The following AUTS2 variants were observed in gnomAD, a reference collection of about 807,000 sequenced individuals.
The protein encoded by AUTS2 is autism susceptibility gene 2 protein.
In AUTS2, 17 loss-of-function variants were observed where a neutral mutation model predicts 112.4. The observed-to-expected ratio is 0.15, with a 90% CI of 0.10 to 0.23. The LOEUF (loss-of-function observed/expected upper bound fraction) is 0.23. Among genes scored for constraint, AUTS2 ranks in the 10% least tolerant of loss-of-function variants. AUTS2 has a pLI of 1.00. For missense variants in AUTS2, 1,510 were observed against 1,701.6 expected, an observed-to-expected ratio of 0.89 and a Z score of 1.98; for synonymous variants, 751 against 702.7, an observed-to-expected ratio of 1.07 and a Z score of -1.09.
chr7:70,002,206 C>T (rs1027436897), intron 2 of AUTS2, among the ~76,000 whole-genome samples: 3 of 152,144 alleles, frequency 2.0e-5, no homozygotes, highest in Non-Finnish European at 4.4e-5. Context: ...GGGCCAATAA[C>T]TTGGGGATGT....
At chr7:70,657,393 T>A (rs1009694137) in intron 5 of AUTS2, among the ~76,000 whole-genome samples, 1 of 152,220 alleles carries the variant, frequency 6.6e-6, no homozygotes, top group Non-Finnish European at 1.5e-5. Flanking sequence ...CAGACCTTTG[T>A]ATTAGAAGTG....
At chr7:69,809,269 G>A (rs1030757169) in intron 1 of AUTS2, among the ~76,000 whole-genome samples, 5 of 151,580 alleles carry the variant, frequency 3.3e-5, no homozygotes, top group Admixed American at 6.6e-5. Flanking sequence ...TGGTAGAGAC[G>A]GGGTTTCACT....
At chr7:70,352,386 C>G (rs1437983822) in intron 4 of AUTS2, among the ~76,000 whole-genome samples, 1 of 152,200 alleles carries the variant, frequency 6.6e-6, no homozygotes, top group Non-Finnish European at 1.5e-5. Flanking sequence ...TCTTCGGCTG[C>G]AATCCTTTTT....
At position 70,698,790 on chromosome 7, in the gene AUTS2, AAC is replaced by A. The variant is rs1395085037; in HGVS notation, c.742+172_742+173del. 4.6e-5 allele frequency: 23 copies of A among 495,132 alleles called. No homozygotes were observed. The African/African-American group carries it at 4.9e-4, about 11-fold the overall frequency. 30.7% of individuals were successfully genotyped at this position (495,132 alleles called of 1,614,324 possible). A position where few individuals can be genotyped will look rare whatever the true frequency, so the allele number is the denominator to read the frequency against. On this transcript the variant is annotated intron_variant, in intron 6 of 18. Transcript: ENST00000342771. ...AAGTCTGCATACTTTGTGATGCATT[AAC>A]ATTAACAACCAGTTTATTTTAAAAG...
At chr7:70,095,067 A>T (rs1259759756) in intron 2 of AUTS2, among the ~76,000 whole-genome samples, 1 of 152,182 alleles carries the variant, frequency 6.6e-6, no homozygotes, top group South Asian at 2.1e-4. Flanking sequence ...GAAAAGATTA[A>T]CCTGAAACGT....
intron 5 of AUTS2, among the ~76,000 whole-genome samples, chr7:70,472,336 G>C (rs766707699): frequency 1.3e-5 from 2 of 148,378 alleles, no homozygotes; most frequent in Non-Finnish European, 3.0e-5. Flanking sequence ...TTTGTTTCTT[G>C]TTTGGGTTTT....
chr7:70,159,159 C>T (rs1807945883), intron 4 of AUTS2, among the ~76,000 whole-genome samples: 2 of 152,148 alleles, frequency 1.3e-5, no homozygotes, highest in African/African-American at 2.4e-5. Flanking sequence ...TTTTTAAAGG[C>T]TCTTTCAAGG....
intron 4 of AUTS2, among the ~76,000 whole-genome samples, chr7:70,221,748 G>A (rs563907868): frequency 2.6e-5 from 4 of 152,296 alleles, no homozygotes; most frequent in East Asian, 3.9e-4. Flanking sequence ...TTAGCCGAGC[G>A]TGGTGGTGGG....
At chr7:69,976,037 T>G (rs1265481644) in intron 2 of AUTS2, among the ~76,000 whole-genome samples, 1 of 152,226 alleles carries the variant, frequency 6.6e-6, no homozygotes, top group East Asian at 1.9e-4. Context: ...ATTTACCATG[T>G]TAACGGTTAT....
chr7:69,928,559 G>A lies in AUTS2; in HGVS notation c.522+29061G>A, dbSNP rs530959776. ...CTGGAGGGGCCTGAGGTAGCAGGGG[G>A]CTGGTATACCAGCATGACCCTGAGT... On this transcript the variant is annotated intron_variant, in intron 2 of 18. Transcript: ENST00000342771. 9.2e-5 allele frequency among the ~76,000 whole-genome samples: 14 copies of A among 152,350 alleles called. 1 individual carries two copies. In the South Asian group the frequency reaches 2.9e-3, roughly 32 times the overall value.
At chr7:70,151,019 C>T (rs1807404936) in intron 4 of AUTS2, among the ~76,000 whole-genome samples, 1 of 152,120 alleles carries the variant, frequency 6.6e-6, no homozygotes, top group South Asian at 2.1e-4. Flanking sequence ...AGCTTCCTGC[C>T]TTGAGAGAAT....
chr7:69,956,218 T>A (rs1295236632), intron 2 of AUTS2, among the ~76,000 whole-genome samples: 1 of 152,066 alleles, frequency 6.6e-6, no homozygotes, highest in Non-Finnish European at 1.5e-5. Context: ...TGGGATGAGA[T>A]GCCAGCACTA....
At chr7:70,592,146 C>G (rs968485491) in intron 5 of AUTS2, among the ~76,000 whole-genome samples, 5 of 151,926 alleles carry the variant, frequency 3.3e-5, no homozygotes, top group Admixed American at 3.3e-4. Context: ...TATTTGCCAT[C>G]GATATATATT....
At chr7:70,689,775 C>CAAAAAA (rs60869776) in intron 5 of AUTS2, among the ~76,000 whole-genome samples, 3 of 74,704 alleles carry the variant, frequency 4.0e-5, no homozygotes, top group Non-Finnish European at 7.7e-5. Context: ...GACTCCGTCT[C>CAAAAAA]AAAAAAAAAA....
At chr7:69,759,348 A>T (rs886405554) in intron 1 of AUTS2, among the ~76,000 whole-genome samples, 1 of 152,118 alleles carries the variant, frequency 6.6e-6, no homozygotes, top group Non-Finnish European at 1.5e-5. Flanking sequence ...TTTATGCCTC[A>T]TACACGTAGC....
chr7:70,268,171 C>T (rs890841753), intron 4 of AUTS2, among the ~76,000 whole-genome samples: 6 of 152,252 alleles, frequency 3.9e-5, no homozygotes, highest in Admixed American at 2.0e-4. Flanking sequence ...AAGACTAGAG[C>T]ATGGGCATTT....
At position 70,091,636 on chromosome 7, in the gene AUTS2, A is replaced by G. The variant is rs553433191; in HGVS notation, c.523-26496A>G. On this transcript the variant is annotated intron_variant, in intron 2 of 18. Transcript: ENST00000342771. Reference sequence around the variant, plus strand: ...AGGTACTAAACCACTCTGCTGTTACAGTCACTGTTCTTCTTTTTGGCTTTC... The same window carrying G: ...AGGTACTAAACCACTCTGCTGTTACGGTCACTGTTCTTCTTTTTGGCTTTC... Among the ~76,000 whole-genome samples, 43 of 152,300 alleles carry G rather than the reference A, an allele frequency of 2.8e-4. 1 individual carries two copies. The South Asian group carries it at 8.7e-3, about 31-fold the overall frequency.
chr7:70,635,075 C>T (rs1002016437), intron 5 of AUTS2, among the ~76,000 whole-genome samples: 1 of 152,192 alleles, frequency 6.6e-6, no homozygotes. Context: ...ATTCCAAGAA[C>T]CAGAGTACCG....
chr7:69,913,011 G>A (rs955148353), intron 2 of AUTS2, among the ~76,000 whole-genome samples: 2 of 152,110 alleles, frequency 1.3e-5, no homozygotes, highest in Non-Finnish European at 1.5e-5. Flanking sequence ...GACATTTTAG[G>A]CCCTGACTAA....
Sources: gnomAD v4.1 joint callset for allele counts (sites outside exome capture counted in the v4.1 genomes callset) on GRCh38, gnomAD v4.1.1 for gene constraint, MANE v1.5 for transcripts, NCBI Gene and HGNC (gene_info 2026-07-23, HGNC 2026-07-21) for gene names.